The following HCN1 variants were observed in gnomAD, a reference collection of about 807,000 sequenced individuals.
HCN1 encodes hyperpolarization activated cyclic nucleotide gated potassium channel 1.
Under a neutral mutation model 78.9 loss-of-function variants are expected in HCN1, and 13 were observed. That is an observed-to-expected ratio of 0.16 (90% CI 0.11 to 0.26). The LOEUF is 0.26. HCN1 is among the 10% of genes least tolerant of loss of function. HCN1 has a pLI of 1.00. For missense variants in HCN1, 810 were observed against 1,154.3 expected, an observed-to-expected ratio of 0.70 and a Z score of 4.32; for synonymous variants, 552 against 455.5, an observed-to-expected ratio of 1.21 and a Z score of -2.70.
At chr5:45,505,577 C>G (rs1395974500) in intron 2 of HCN1, among the ~76,000 whole-genome samples, 1 of 151,884 alleles carries the variant, frequency 6.6e-6, no homozygotes, top group Non-Finnish European at 1.5e-5. Flanking sequence ...ATTGACTTGG[C>G]AAAGGAATTG....
intron 5 of HCN1, among the ~76,000 whole-genome samples, chr5:45,322,912 T>C (rs72762027): frequency 0.013 from 2,010 of 151,948 alleles, 16 homozygotes; most frequent in South Asian, 0.042. Context: ...ATGCAGTCTG[T>C]TCCTTGAGCA....
intron 2 of HCN1, among the ~76,000 whole-genome samples, chr5:45,608,528 A>G (rs1345610868): frequency 2.0e-5 from 3 of 152,016 alleles, no homozygotes; most frequent in Non-Finnish European, 4.4e-5. Flanking sequence ...ATAAGGCTAC[A>G]GTAATTAAGT....
intron 1 of HCN1, 72 bp downstream of exon 1, chr5:45,695,597 C>G (rs571807846): frequency 2.7e-6 from 4 of 1,490,472 alleles, no homozygotes; most frequent in Middle Eastern, 2.0e-4. Flanking sequence ...GGACGCCCCC[C>G]ACCCAAGGGC....
chr5:45,562,771 T>G (rs1743631236), intron 2 of HCN1, among the ~76,000 whole-genome samples: 1 of 151,976 alleles, frequency 6.6e-6, no homozygotes, highest in African/African-American at 2.4e-5. Flanking sequence ...AAAAATTGCT[T>G]AACAAATGTA....
In HCN1 at chr5:45,349,935, C is replaced by T. The variant is rs537465870; in HGVS notation, c.1377+3165G>A. Among the ~76,000 whole-genome samples the T allele has an allele frequency of 3.9e-5, 6 of 152,138 alleles. No individual in the cohort carries two copies. The East Asian group carries it at 1.2e-3, about 29-fold the overall frequency. ...ACCAGATGGATTCACAGCCGAATTCCACCAGAGGTACAAGGAGGAACTGGT... is the reference window on the plus strand; with the variant it reads ...ACCAGATGGATTCACAGCCGAATTCTACCAGAGGTACAAGGAGGAACTGGT... On this transcript the variant is annotated intron_variant, in intron 5 of 7. Transcript: ENST00000303230.
intron 3 of HCN1, among the ~76,000 whole-genome samples, chr5:45,432,939 A>C (rs572877531): frequency 6.0e-4 from 92 of 152,236 alleles, no homozygotes; most frequent in Non-Finnish European, 9.7e-4. Context: ...GTCACAATTT[A>C]TGTCTTACAT....
chr5:45,323,627 C>T (rs1410191916), intron 5 of HCN1, among the ~76,000 whole-genome samples: 1 of 151,802 alleles, frequency 6.6e-6, no homozygotes, highest in East Asian at 1.9e-4. Flanking sequence ...AGGTTTGTTA[C>T]TTATGTATAC....
In HCN1 at chr5:45,389,714, C is replaced by T. The variant is rs143624325; in HGVS notation, c.1230+6778G>A. 2.1e-3 allele frequency among the ~76,000 whole-genome samples: 320 copies of T among 152,258 alleles called. 2 individuals carry two copies. The highest frequency in any genetic ancestry group is 6.8e-3 in the Middle Eastern group (2 of 294). On this transcript the variant is annotated intron_variant, in intron 4 of 7. Transcript: ENST00000303230. ...AAAATGTTGTTTCCTAAAGTTTTAT[C>T]TATTAGAGTTATCTCTACCTACTTA...
At chr5:45,611,945 T>C (rs1340897277) in intron 2 of HCN1, among the ~76,000 whole-genome samples, 1 of 152,096 alleles carries the variant, frequency 6.6e-6, no homozygotes, top group African/African-American at 2.4e-5. Context: ...AGATCTGAAG[T>C]GCATCTTATA....
chr5:45,645,945 C>A (rs915420629), intron 1 of HCN1, among the ~76,000 whole-genome samples: 1 of 151,556 alleles, frequency 6.6e-6, no homozygotes, highest in South Asian at 2.1e-4. Context: ...TAGACAGAAA[C>A]TAGAAAGAAG....
chr5:45,467,538 G>C (rs1741299269), intron 2 of HCN1, among the ~76,000 whole-genome samples: 1 of 151,900 alleles, frequency 6.6e-6, no homozygotes, highest in Non-Finnish European at 1.5e-5. Context: ...CAGCCACCTT[G>C]TATACCTAAA....
At chr5:45,322,880 A>G (rs928689241) in intron 5 of HCN1, among the ~76,000 whole-genome samples, 5 of 151,880 alleles carry the variant, frequency 3.3e-5, no homozygotes, top group Admixed American at 2.0e-4. Context: ...GTAGGAAGTG[A>G]AACCTACTAC....
At chr5:45,487,846 T>C (rs1361270728) in intron 2 of HCN1, among the ~76,000 whole-genome samples, 3 of 152,124 alleles carry the variant, frequency 2.0e-5, no homozygotes, top group African/African-American at 7.2e-5. Flanking sequence ...AGTAAATGTG[T>C]AGCCAGATCT....
At chr5:45,522,210 T>A (rs2111781023) in intron 2 of HCN1, among the ~76,000 whole-genome samples, 1 of 152,164 alleles carries the variant, frequency 6.6e-6, no homozygotes, top group East Asian at 1.9e-4. Flanking sequence ...AAGTCATGTA[T>A]CCAGAATTAC....
At chr5:45,497,209 C>T (rs1342164573) in intron 2 of HCN1, among the ~76,000 whole-genome samples, 1 of 152,066 alleles carries the variant, frequency 6.6e-6, no homozygotes, top group Admixed American at 6.6e-5. Context: ...CTGTAGATGT[C>T]TATTAGGTCC....
intron 1 of HCN1, among the ~76,000 whole-genome samples, chr5:45,667,703 C>T (rs942685453): frequency 1.3e-4 from 19 of 151,934 alleles, no homozygotes; most frequent in African/African-American, 4.1e-4. Context: ...TGAAATCTTA[C>T]GAATAAACAC....
intron 5 of HCN1, among the ~76,000 whole-genome samples, chr5:45,335,953 A>G (rs1746445391): frequency 6.6e-6 from 1 of 152,086 alleles, no homozygotes; most frequent in African/African-American, 2.4e-5. Flanking sequence ...ATAGCCCCTC[A>G]GTAGTAGGTT....
At chr5:45,296,702 C>T (rs1745501035) in intron 6 of HCN1, among the ~76,000 whole-genome samples, 1 of 151,754 alleles carries the variant, frequency 6.6e-6, no homozygotes, top group Non-Finnish European at 1.5e-5. Flanking sequence ...TTAAGATTCT[C>T]TAGGAAGACT....
At chr5:45,684,970 A>C (rs886834653) in intron 1 of HCN1, among the ~76,000 whole-genome samples, 1 of 152,180 alleles carries the variant, frequency 6.6e-6, no homozygotes, top group Admixed American at 6.5e-5. Context: ...AATAAGGTGC[A>C]TTGTCTTTTT....
Sources: gnomAD v4.1 joint callset for allele counts (sites outside exome capture counted in the v4.1 genomes callset) on GRCh38, gnomAD v4.1.1 for gene constraint, MANE v1.5 for transcripts, NCBI Gene and HGNC (gene_info 2026-07-23, HGNC 2026-07-21) for gene names.